Variants in CDH4 observed in about 807,000 individuals in gnomAD.
CDH4 encodes the protein cadherin-4.
A neutral mutation model predicts 86.0 loss-of-function variants in CDH4; 33 were observed. The ratio of observed to expected loss-of-function variants is 0.38; its 90% CI spans 0.29 to 0.51. The LOEUF (loss-of-function observed/expected upper bound fraction) is 0.51, where lower values mean the gene tolerates loss of function less well. Among genes scored for constraint, CDH4 ranks in the 20% least tolerant of loss-of-function variants. The pLI, the probability that CDH4 is intolerant of heterozygous loss-of-function variation, is 0.86. For missense variants in CDH4, 1,114 were observed against 1,307.4 expected (o/e 0.85, Z 2.28); for synonymous variants, 555 against 549.4 (o/e 1.01, Z -0.14).
At chr20:61,651,683 A>C (rs1007180143) in intron 2 of CDH4, among the ~76,000 whole-genome samples, 1 of 152,038 alleles carries the variant, frequency 6.6e-6, no homozygotes, top group Non-Finnish European at 1.5e-5. Context: ...ACTTGCACCA[A>C]CCTCCTCTCC....
intron 2 of CDH4, among the ~76,000 whole-genome samples, chr20:61,259,241 T>A (rs992510203): frequency 1.3e-5 from 2 of 152,214 alleles, no homozygotes; most frequent in Non-Finnish European, 2.9e-5. Context: ...GTGTCTGGAA[T>A]CCATATCTAA....
chr20:61,644,601 G>C (rs1175489702), intron 2 of CDH4, among the ~76,000 whole-genome samples: 1 of 152,218 alleles, frequency 6.6e-6, no homozygotes, highest in Non-Finnish European at 1.5e-5. Flanking sequence ...ACAAGGTCAC[G>C]GAGCGGGCTC....
chr20:61,438,046 G>A (rs888349188), intron 2 of CDH4, among the ~76,000 whole-genome samples: 2 of 152,170 alleles, frequency 1.3e-5, no homozygotes, highest in Admixed American at 1.3e-4. Flanking sequence ...CTCCAACAAC[G>A]TTTTATTTTC....
chr20:61,604,544 G>A (rs2086627675), intron 2 of CDH4, among the ~76,000 whole-genome samples: 1 of 152,086 alleles, frequency 6.6e-6, no homozygotes, highest in Admixed American at 6.5e-5. Flanking sequence ...TTCAAGTCTT[G>A]TAGAAATCAT....
chr20:61,710,007 C>G (rs1057223991), intron 2 of CDH4, among the ~76,000 whole-genome samples: 17 of 152,086 alleles, frequency 1.1e-4, no homozygotes, highest in Non-Finnish European at 2.4e-4. Flanking sequence ...AACTTTGAAA[C>G]AGTAACTGAG....
intron 2 of CDH4, among the ~76,000 whole-genome samples, chr20:61,325,135 C>T (rs962980476): frequency 2.6e-5 from 4 of 151,790 alleles, no homozygotes; most frequent in South Asian, 2.1e-4. Context: ...GTACATCTCA[C>T]GGTGCCTGAC....
At chr20:61,457,917 G>A (rs535726142) in intron 2 of CDH4, among the ~76,000 whole-genome samples, 1 of 149,444 alleles carries the variant, frequency 6.7e-6, no homozygotes, top group South Asian at 2.1e-4. Context: ...GGTCATGACG[G>A]TGATGGCAGT....
chr20:61,371,796 A>T (rs1488219379), intron 2 of CDH4, among the ~76,000 whole-genome samples: 2 of 152,254 alleles, frequency 1.3e-5, no homozygotes, highest in Non-Finnish European at 1.5e-5. Flanking sequence ...AACGGGCAAG[A>T]GTGTGCTGGT....
chr20:61,267,448 A>G (rs2084163186), intron 2 of CDH4, among the ~76,000 whole-genome samples: 1 of 152,220 alleles, frequency 6.6e-6, no homozygotes, highest in East Asian at 1.9e-4. Flanking sequence ...AGTGCAGCTC[A>G]GGTGGGCGGC....
intron 4 of CDH4, among the ~76,000 whole-genome samples, chr20:61,798,810 G>A (rs1381201710): frequency 1.3e-5 from 2 of 152,240 alleles, no homozygotes; most frequent in Non-Finnish European, 2.9e-5. Flanking sequence ...TGGCGGCTGT[G>A]TGTCCCGAGT....
intron 2 of CDH4, among the ~76,000 whole-genome samples, chr20:61,261,872 G>A (rs1285162370): frequency 6.6e-6 from 1 of 152,184 alleles, no homozygotes; most frequent in African/African-American, 2.4e-5. Context: ...CGACACCGGG[G>A]GTTTGCAAAA....
At chr20:61,755,254 G>A (rs2088547526) in intron 3 of CDH4, among the ~76,000 whole-genome samples, 2 of 149,238 alleles carry the variant, frequency 1.3e-5, no homozygotes, top group South Asian at 4.3e-4. Context: ...TGGGGACACA[G>A]CCAAACCATA....
intron 7 of CDH4, among the ~76,000 whole-genome samples, chr20:61,884,823 G>A (rs866427185): frequency 3.9e-4 from 59 of 152,174 alleles, no homozygotes; most frequent in African/African-American, 1.4e-3. Flanking sequence ...GAAGGAGAGA[G>A]CCCTGGGGTG....
chr20:61,766,681 G>A (rs1451336186), intron 3 of CDH4, among the ~76,000 whole-genome samples: 1 of 152,192 alleles, frequency 6.6e-6, no homozygotes, highest in Non-Finnish European at 1.5e-5. Flanking sequence ...CTCGGAGCCT[G>A]TGACGCCCCC....
At chr20:61,744,105 A>G (rs548659931) in intron 3 of CDH4, among the ~76,000 whole-genome samples, 2 of 152,178 alleles carry the variant, frequency 1.3e-5, no homozygotes, top group Non-Finnish European at 2.9e-5. Context: ...GGGCACTGCA[A>G]ATTCTGGAAT....
chr20:61,838,529 C>T (rs578190671), intron 4 of CDH4, among the ~76,000 whole-genome samples: 20 of 152,032 alleles, frequency 1.3e-4, no homozygotes, highest in Admixed American at 3.9e-4. Flanking sequence ...TTGCCTCTCT[C>T]GGCCAGGCAC....
At chr20:61,892,981 G>A (rs930452608) in intron 7 of CDH4, among the ~76,000 whole-genome samples, 2 of 142,804 alleles carry the variant, frequency 1.4e-5, no homozygotes, top group Admixed American at 7.0e-5. Flanking sequence ...GGGATAGATG[G>A]GTGGATGGGT....
intron 2 of CDH4, among the ~76,000 whole-genome samples, chr20:61,503,516 G>A (rs1196080437): frequency 6.6e-6 from 1 of 152,218 alleles, no homozygotes; most frequent in African/African-American, 2.4e-5. Flanking sequence ...AAGAGTAAGT[G>A]TGTCCTGGAT....
chr20:61,293,463 C>T (rs2084334711), intron 2 of CDH4, among the ~76,000 whole-genome samples: 1 of 152,066 alleles, frequency 6.6e-6, no homozygotes, highest in South Asian at 2.1e-4. Flanking sequence ...GCGGGGACTT[C>T]TGGGGAAGGA....
Sources: allele counts gnomAD v4.1 joint callset (sites outside exome capture counted in the v4.1 genomes callset), GRCh38; gene constraint gnomAD v4.1.1; transcripts MANE v1.5; gene names NCBI Gene and HGNC (gene_info 2026-07-23, HGNC 2026-07-21).